Variants in GNRHR observed in about 807,000 individuals in gnomAD.
The protein encoded by GNRHR is gonadotropin-releasing hormone receptor.
GNRHR carries 14 observed loss-of-function variants against 28.1 expected under a neutral mutation model. The observed-to-expected ratio is 0.50, with a 90% CI of 0.33 to 0.78. GNRHR has a LOEUF of 0.78. Among genes scored for constraint, GNRHR ranks in the 30% least tolerant of loss-of-function variants. GNRHR has a pLI of 0.02. For synonymous variants in GNRHR, 141 were observed against 140.5 expected, an observed-to-expected ratio of 1.00 and a Z score of -0.02; for missense variants, 366 against 382.1, an observed-to-expected ratio of 0.96 and a Z score of 0.35.
rs17088591 is a variant in GNRHR at position 67,744,533 on chromosome 4, G to A, written c.742+35C>T. 25,551 of 1,234,654 alleles carry A rather than the reference G, an allele frequency of 0.021. 658 individuals are homozygous for A. The highest frequency in any genetic ancestry group is 0.092 in the East Asian group (3,967 of 43,120). The allele number at this position is 1,234,654 out of a possible 1,614,324, so 76.5% of individuals were successfully genotyped here. A position where few individuals can be genotyped will look rare whatever the true frequency, so the allele number is the denominator to read the frequency against. On this transcript the variant is annotated intron_variant, in intron 2 of 2. Transcript: ENST00000226413. ...TTTTGAGCATTGCTATTTAAAAACT[G>A]CCCACAAATGACACTAACTCTAAGG...
Position 67,738,367 on chromosome 4 carries a change from T to C in GNRHR, c.*2113A>G, listed in dbSNP as rs899268264. On this transcript the variant is annotated 3_prime_UTR_variant, in exon 3 of 3. Coordinates refer to ENST00000226413, the MANE Select transcript of GNRHR (RefSeq NM_000406.3). Reference sequence around the variant, plus strand: ...AAATAGGACTAAAATAAAAAATACATTGAAATATATATATTTTTTGCATGA... The same window carrying C: ...AAATAGGACTAAAATAAAAAATACACTGAAATATATATATTTTTTGCATGA... Among the ~76,000 whole-genome samples, 1 of 151,682 alleles carries C rather than the reference T, an allele frequency of 6.6e-6. No individual in the cohort carries two copies. The highest frequency in any genetic ancestry group is 1.5e-5 in the Non-Finnish European group (1 of 67,814).
chr4:67,740,342 T>G lies in GNRHR; in HGVS notation c.*138A>C, dbSNP rs1224982943. 5.7e-6 allele frequency: 4 copies of G among 696,884 alleles called. No individual in the cohort carries two copies. Among genetic ancestry groups the G allele is most frequent in the South Asian group, 1.7e-5 (1 of 57,894 alleles). 43.2% of individuals were successfully genotyped at this position (696,884 alleles called of 1,614,324 possible). ...TAATTGAGGCTCTGAAGACTGAGTT[T>G]CTAAAAGAATGATAACTTAAGTGTA... On this transcript the variant is annotated 3_prime_UTR_variant, in exon 3 of 3. Transcript: ENST00000226413.
chr4:67,746,143 G>A (rs1229498742), intron 1 of GNRHR, among the ~76,000 whole-genome samples: 1 of 151,930 alleles, frequency 6.6e-6, no homozygotes, highest in Non-Finnish European at 1.5e-5. Context: ...TGTGTGAGAG[G>A]CCTTAAACAC....
rs368018313 is a variant in GNRHR, at chr4:67,752,806, T to G, written c.522+1008A>C. Among the ~76,000 whole-genome samples, 19 of 123,100 alleles carry G rather than the reference T, an allele frequency of 1.5e-4. No individual in the cohort carries two copies. The Middle Eastern group carries it at 0.016, about 106-fold the overall frequency. 80.8% of individuals were successfully genotyped at this position (123,100 alleles called of 152,430 possible). A position where few individuals can be genotyped will look rare whatever the true frequency, so the allele number is the denominator to read the frequency against. Reference sequence around the variant, plus strand: ...AGTGAGTTCTGCATGGCAGTTTTTTTTTGTTGTTGTTGTTTTTTAACCATC... The same window carrying G: ...AGTGAGTTCTGCATGGCAGTTTTTTGTTGTTGTTGTTGTTTTTTAACCATC... On this transcript the variant is annotated intron_variant, in intron 1 of 2. Coordinates refer to ENST00000226413, the MANE Select transcript of GNRHR (RefSeq NM_000406.3).
chr4:67,748,828 A>G (rs1463090058), intron 1 of GNRHR, among the ~76,000 whole-genome samples: 2 of 151,892 alleles, frequency 1.3e-5, no homozygotes, highest in Admixed American at 1.3e-4. Context: ...ATACTGATAT[A>G]CTGAGATTTC....
At position 67,744,695 on chromosome 4, in the gene GNRHR, C is replaced by A. The variant is rs1303921484; in HGVS notation, c.615G>T (p.Trp205Cys). Reference sequence around the variant, plus strand: ...AAAAGTTATAAAATGCTTGATGCCACCATTGTGAAAAACTGCAGTGTGTTA... The same window carrying A: ...AAAAGTTATAAAATGCTTGATGCCAACATTGTGAAAAACTGCAGTGTGTTA... The part of the protein sequence containing the change: ...QCVTHCSFSQ[W>C]WHQAFYNFFT... Residue 205 changes from tryptophan (W) to cysteine (C), a missense_variant, in exon 2 of 3, where the codon TGG (tryptophan) becomes TGT (cysteine). Transcript: ENST00000226413. The A allele has an allele frequency of 6.2e-7, 1 of 1,611,828 alleles. No individual in the cohort carries two copies. Among genetic ancestry groups the A allele is most frequent in the Non-Finnish European group, 8.5e-7 (1 of 1,177,878 alleles).
At chr4:67,747,501 T>G (rs1246932930) in intron 1 of GNRHR, 1 of 152,132 alleles carries the variant, frequency 6.6e-6, no homozygotes, top group Non-Finnish European at 1.5e-5. Flanking sequence ...TTACTTGGCC[T>G]TTCTGTTTTC....
chr4:67,753,854 C>A lies in GNRHR; in HGVS notation c.482G>T (p.Gly161Val), dbSNP rs200451598. 1.9e-6 allele frequency: 3 copies of A among 1,613,768 alleles called. No individual in the cohort carries two copies. The South Asian group carries it at 3.3e-5, about 18-fold the overall frequency. ...SNSKVGQSMV[G>V]LAWILSSVFA... The stretch of plus-strand genomic sequence containing the variant: ...GACACTACTGAGGATCCAGGCCAGG[C>A]CAACCATGGACTGTCCGACTTTGCT... Residue 161 changes from glycine to valine, a missense_variant, in exon 1 of 3, where the codon GGC (glycine) becomes GTC (valine). Gly to Val is a moderately radical substitution (Grantham distance 109). Coordinates refer to ENST00000226413, the MANE Select transcript of GNRHR (RefSeq NM_000406.3).
At chr4:67,745,892 G>T (rs1056589356) in intron 1 of GNRHR, among the ~76,000 whole-genome samples, 2 of 151,992 alleles carry the variant, frequency 1.3e-5, no homozygotes, top group Non-Finnish European at 2.9e-5. Context: ...AAAATGACTG[G>T]TCTGCACTCT....
At chr4:67,749,607 C>T (rs536333913) in intron 1 of GNRHR, among the ~76,000 whole-genome samples, 2 of 150,968 alleles carry the variant, frequency 1.3e-5, no homozygotes, top group South Asian at 2.1e-4. Flanking sequence ...TTTTCTTTTC[C>T]TCCTTCCCTC....
At chr4:67,744,919 C>A (rs141119312) in intron 1 of GNRHR, 132 bp from the exon 2 acceptor site, 3 of 603,636 alleles carry the variant, frequency 5.0e-6, no homozygotes, top group East Asian at 5.5e-5. Context: ...ATACTTCTGA[C>A]GTTTCTATGA....
chr4:67,750,875 C>A (rs1055550523), intron 1 of GNRHR, among the ~76,000 whole-genome samples: 12 of 152,132 alleles, frequency 7.9e-5, no homozygotes, highest in Non-Finnish European at 1.8e-4. Flanking sequence ...GCATGAGACA[C>A]ACTCATCATG....
intron 2 of GNRHR, among the ~76,000 whole-genome samples, chr4:67,744,344 T>C (rs1387448454): frequency 6.6e-6 from 1 of 152,210 alleles, no homozygotes; most frequent in African/African-American, 2.4e-5. Context: ...AATTTCATGG[T>C]GCAAATGTAG....
chr4:67,740,886 A>G (rs931006068), intron 2 of GNRHR, among the ~76,000 whole-genome samples, 162 bp from the exon 3 acceptor site: 2 of 152,166 alleles, frequency 1.3e-5, no homozygotes, highest in African/African-American at 4.8e-5. Context: ...TTTTAATAAG[A>G]GTTTTCCACT....
Position 67,740,618 on chromosome 4 carries a change from G to C in GNRHR, c.849C>G (p.Tyr283Ter), listed in dbSNP as rs775423615. 1 of 1,612,530 alleles carries C rather than the reference G, an allele frequency of 6.2e-7. No individual in the cohort carries two copies. The highest frequency in any genetic ancestry group is 2.2e-5 in the East Asian group (1 of 44,858). ...ATSFTVCWTP[Y>*]YVLGIWYWFD... The stretch of plus-strand genomic sequence containing the variant: ...ACCAATACCAAATTCCTAGGACATA[G>C]TAGGGAGTCCAGCAGACAGTAAATG... Residue 283 changes from tyrosine (Y) to a stop codon, truncating the protein, a stop_gained, in exon 3 of 3, where the codon TAC becomes TAG. Transcript: ENST00000226413. LOFTEE classifies it high-confidence loss of function.
At chr4:67,750,117 T>G (rs1298897077) in intron 1 of GNRHR, among the ~76,000 whole-genome samples, 1 of 152,196 alleles carries the variant, frequency 6.6e-6, no homozygotes, top group Non-Finnish European at 1.5e-5. Context: ...TTACAATTAC[T>G]CTTTTAAATG....
chr4:67,746,740 A>AT (rs146874908), intron 1 of GNRHR, among the ~76,000 whole-genome samples: 24 of 151,268 alleles, frequency 1.6e-4, no homozygotes, highest in South Asian at 4.2e-4. Flanking sequence ...AAAATACTTC[A>AT]TTTTTTTTTA....
Position 67,753,896 on chromosome 4 carries a change from A to G in GNRHR, c.440T>C (p.Leu147Pro), listed in dbSNP as rs1475382168. The change falls in exon 1 of 3, where the codon CTA (leucine) becomes CCA (proline). Residue 147 changes from leucine to proline, a missense_variant. Coordinates refer to ENST00000226413, the MANE Select transcript of GNRHR (RefSeq NM_000406.3). Reference sequence around the variant, plus strand: ...GACTTTGCTGTTGCTTTTCAAAGCTAGGGGCCTCGTGATAGCCAGGGAGCG... The same window carrying G: ...GACTTTGCTGTTGCTTTTCAAAGCTGGGGGCCTCGTGATAGCCAGGGAGCG... ...LDRSLAITRP[L>P]ALKSNSKVGQ... 6.2e-7 allele frequency: 1 copy of G among 1,613,942 alleles called. No homozygotes were observed. Among genetic ancestry groups the G allele is most frequent in the Non-Finnish European group, 8.5e-7 (1 of 1,179,894 alleles).
At chr4:67,742,172 T>C (rs1346820557) in intron 2 of GNRHR, among the ~76,000 whole-genome samples, 1 of 152,232 alleles carries the variant, frequency 6.6e-6, no homozygotes, top group Admixed American at 6.5e-5. Flanking sequence ...TTCTAGAATC[T>C]TTATGGTTTC....
Sources: allele counts gnomAD v4.1 joint callset (sites outside exome capture counted in the v4.1 genomes callset), GRCh38; gene constraint gnomAD v4.1.1; transcripts MANE v1.5; gene names NCBI Gene and HGNC (gene_info 2026-07-23, HGNC 2026-07-21).